The following MOV10L1 variants were observed in gnomAD, a reference collection of about 807,000 sequenced individuals.
MOV10L1 encodes the protein RNA helicase Mov10l1.
In MOV10L1, 110 loss-of-function variants were observed where a neutral mutation model predicts 143.8. The observed-to-expected ratio is 0.76, with a 90% CI of 0.66 to 0.90. The LOEUF (loss-of-function observed/expected upper bound fraction) is 0.90, where lower values mean the gene tolerates loss of function less well. Ranked by LOEUF, MOV10L1 falls within the 40% of genes least tolerant of loss-of-function variation. The pLI, the probability that MOV10L1 is intolerant of heterozygous loss-of-function variation, is 0.00. For missense variants in MOV10L1, 1,406 were observed against 1,526.8 expected (o/e 0.92, Z 1.32); for synonymous variants, 593 against 581.1 (o/e 1.02, Z -0.29).
intron 21 of MOV10L1, 34 bp downstream of exon 21, chr22:50,150,933 A>G: frequency 1.2e-6 from 2 of 1,612,918 alleles, no homozygotes; most frequent in East Asian, 2.2e-5. Flanking sequence ...TCAGGTCCCC[A>G]GCTAAGCAGA....
intron 22 of MOV10L1, among the ~76,000 whole-genome samples, chr22:50,156,308 G>T (rs1469349406): frequency 6.6e-6 from 1 of 151,806 alleles, no homozygotes; most frequent in African/African-American, 2.4e-5. Context: ...TAGAGACGGG[G>T]TTTCACCATG....
chr22:50,097,301 G>T (rs937347360), intron 2 of MOV10L1, among the ~76,000 whole-genome samples: 4 of 151,884 alleles, frequency 2.6e-5, no homozygotes, highest in African/African-American at 7.3e-5. Context: ...TAGAGATGGG[G>T]CCTCTCTATG....
chr22:50,092,676 A>G (rs868073181), intron 2 of MOV10L1: 2 of 155,910 alleles, frequency 1.3e-5, no homozygotes, highest in African/African-American at 2.4e-5. Flanking sequence ...AATCATTCAA[A>G]CAACATAGAC....
intron 13 of MOV10L1, among the ~76,000 whole-genome samples, chr22:50,131,722 GA>G (rs35192766): frequency 0.15 from 19,618 of 131,172 alleles, 1,531 homozygotes; most frequent in East Asian, 0.26. Context: ...GTACCTTTGT[GA>G]AAAAAAAAAA....
In MOV10L1 at chr22:50,158,089, G is replaced by A. The variant is rs1226014841; in HGVS notation, c.3099G>A (p.Ser1033=). The change falls in exon 23 of 27, where the codon TCG becomes TCA. Residue 1033 remains serine, a synonymous_variant. Coordinates refer to ENST00000262794, the MANE Select transcript of MOV10L1 (RefSeq NM_018995.3). The surrounding 1 kb of genome is among the most constrained non-coding windows in gnomAD (Gnocchi z 5.0). ...GSEAREGKSP[S]WFNPAEAVQV... ...AGGCACGGGAGGGAAAAAGCCCATC[G>A]TGGTTCAACCCGGCCGAGGCCGTCC... 1.5e-5 allele frequency: 25 copies of A among 1,614,026 alleles called. No homozygotes were observed. Among genetic ancestry groups the A allele is most frequent in the Middle Eastern group, 1.6e-4 (1 of 6,082 alleles).
At chr22:50,119,821 C>G (rs892572566) in intron 9 of MOV10L1, among the ~76,000 whole-genome samples, 3 of 151,860 alleles carry the variant, frequency 2.0e-5, no homozygotes, top group Non-Finnish European at 4.4e-5. Flanking sequence ...TGAGACTGCA[C>G]TGAAATGGAG....
At position 50,114,370 on chromosome 22, in the gene MOV10L1, T is replaced by C. The variant is rs757036716; in HGVS notation, c.885-11T>C. ...TCCTGGCTGTGTTCATAGTTAATTGTATTTTTCCAGGAATAAAGGAGACAT... is the reference window on the plus strand; with the variant it reads ...TCCTGGCTGTGTTCATAGTTAATTGCATTTTTCCAGGAATAAAGGAGACAT... On this transcript the variant is annotated splice_polypyrimidine_tract_variant and intron_variant, in intron 6 of 26. Coordinates refer to ENST00000262794, the MANE Select transcript of MOV10L1 (RefSeq NM_018995.3). 1 of 1,611,542 alleles carries C rather than the reference T, an allele frequency of 6.2e-7. No individual in the cohort carries two copies. Among genetic ancestry groups the C allele is most frequent in the South Asian group, 1.1e-5 (1 of 90,800 alleles).
chr22:50,153,548 C>T (rs544550471), intron 22 of MOV10L1, among the ~76,000 whole-genome samples: 20 of 152,280 alleles, frequency 1.3e-4, no homozygotes, highest in Middle Eastern at 3.4e-3. Flanking sequence ...TGGCTGGGGA[C>T]GCCCCAGGGC....
rs867675606 is a variant in MOV10L1 at position 50,117,181 on chromosome 22, C to G, written c.1284C>G (p.Leu428=). 1 of 1,609,492 alleles carries G rather than the reference C, an allele frequency of 6.2e-7. No individual in the cohort carries two copies. Among genetic ancestry groups the G allele is most frequent in the Non-Finnish European group, 8.5e-7 (1 of 1,177,986 alleles). The part of the protein sequence containing the change: ...DGKNPGRCKE[L]LLLCFSDFLI... ...GAAATCCTGGCCGCTGCAAGGAGCT[C>G]CTTTTGCTCTGTTTTTCCGATTTCC... Residue 428 remains leucine, a synonymous_variant, in exon 9 of 27, where the codon CTC becomes CTG. Coordinates refer to ENST00000262794, the MANE Select transcript of MOV10L1 (RefSeq NM_018995.3).
intron 10 of MOV10L1, among the ~76,000 whole-genome samples, chr22:50,122,827 G>A (rs2062388697): frequency 6.6e-6 from 1 of 150,410 alleles, no homozygotes; most frequent in Admixed American, 6.6e-5. Context: ...TGTCGCCCAG[G>A]CTGGAGTGCA....
chr22:50,127,260 G>A (rs73185375), intron 12 of MOV10L1, among the ~76,000 whole-genome samples: 12,486 of 152,238 alleles, frequency 0.082, 625 homozygotes, highest in South Asian at 0.17. Context: ...GCACCTGCCT[G>A]CCTCCACCCC....
chr22:50,139,092 A>G (rs4838848), intron 15 of MOV10L1, among the ~76,000 whole-genome samples: 21,627 of 152,000 alleles, frequency 0.14, 1,691 homozygotes, highest in Admixed American at 0.22. Flanking sequence ...ACGTAAATCA[A>G]TGGAGGGAGA....
intron 3 of MOV10L1, among the ~76,000 whole-genome samples, chr22:50,103,013 G>A (rs1021973794): frequency 2.0e-4 from 30 of 152,212 alleles, no homozygotes; most frequent in Non-Finnish European, 4.3e-4. Context: ...TAGCCTTGAG[G>A]CTAGGGCAGA....
intron 2 of MOV10L1, among the ~76,000 whole-genome samples, chr22:50,098,313 C>A (rs918916816): frequency 7.8e-6 from 1 of 128,856 alleles, no homozygotes; most frequent in African/African-American, 2.6e-5. Context: ...ATAATTAAGT[C>A]TTAAGATTGT....
intron 15 of MOV10L1, among the ~76,000 whole-genome samples, chr22:50,137,798 AT>A (rs1310147604): frequency 6.1e-5 from 6 of 98,640 alleles, no homozygotes; most frequent in African/African-American, 1.9e-4. Flanking sequence ...AAATATACAT[AT>A]TTTATATATA....
intron 15 of MOV10L1, 79 bp from the exon 16 acceptor site, chr22:50,142,002 G>A (rs1277692336): frequency 1.8e-6 from 2 of 1,117,874 alleles, no homozygotes; most frequent in African/African-American, 1.6e-5. Flanking sequence ...AACACTAGAT[G>A]TTTACGTTTG....
At position 50,158,065 on chromosome 22, in the gene MOV10L1, G is replaced by C; in HGVS notation, c.3075G>C (p.Glu1025Asp). The C allele has an allele frequency of 6.2e-7, 1 of 1,613,602 alleles. No individual in the cohort carries two copies. The highest frequency in any genetic ancestry group is 2.2e-5 in the East Asian group (1 of 44,870). ...TCTCCTCATCAACCCAGGGCAGCGAGGCACGGGAGGGAAAAAGCCCATCGT... is the reference window on the plus strand; with the variant it reads ...TCTCCTCATCAACCCAGGGCAGCGACGCACGGGAGGGAAAAAGCCCATCGT... ...PLIFHGVRGS[E>D]AREGKSPSWF... Residue 1025 changes from glutamate to aspartate, a missense_variant, in exon 23 of 27, where the codon GAG becomes GAC. Physicochemically the swap from Glu to Asp is conservative, Grantham distance 45. Coordinates refer to ENST00000262794, the MANE Select transcript of MOV10L1 (RefSeq NM_018995.3). This position sits in a 1 kb window ranked among gnomAD's most constrained non-coding sequence, Gnocchi z 5.0.
chr22:50,140,188 C>T (rs776024021), intron 15 of MOV10L1, among the ~76,000 whole-genome samples: 3 of 152,184 alleles, frequency 2.0e-5, no homozygotes, highest in Non-Finnish European at 4.4e-5. Flanking sequence ...ACAGGTGGCT[C>T]TCCAATGAAT....
chr22:50,144,633 G>A (rs1360269201), intron 18 of MOV10L1, among the ~76,000 whole-genome samples: 1 of 151,560 alleles, frequency 6.6e-6, no homozygotes, highest in African/African-American at 2.4e-5. Flanking sequence ...CCAGGCTGAA[G>A]TGCAGTGGCA....
Sources: gnomAD v4.1 joint callset for allele counts (sites outside exome capture counted in the v4.1 genomes callset) on GRCh38, gnomAD v4.1.1 for gene constraint, Gnocchi (gnomAD v3.1) non-coding constraint, MANE v1.5 for transcripts, NCBI Gene and HGNC (gene_info 2026-07-23, HGNC 2026-07-21) for gene names.